CDH13: variants seen among roughly 807,000 people sequenced by gnomAD.
CDH13 encodes the protein cadherin-13.
CDH13 carries 24 observed loss-of-function variants against 63.8 expected under a neutral mutation model. That is an observed-to-expected ratio of 0.38 (90% CI 0.27 to 0.53). The LOEUF (loss-of-function observed/expected upper bound fraction) is 0.53. CDH13 is among the 20% of genes least tolerant of loss of function. CDH13 has a pLI of 0.85. For missense variants in CDH13, 1,049 were observed against 903.1 expected (o/e 1.16, Z -2.07); for synonymous variants, 503 against 355.3 (o/e 1.42, Z -4.67).
chr16:83,154,398 T>C (rs2037119614), intron 4 of CDH13, among the ~76,000 whole-genome samples: 2 of 151,516 alleles, frequency 1.3e-5, no homozygotes, highest in South Asian at 2.1e-4. Context: ...CTACTAAAAA[T>C]ACAAAAAAAT....
chr16:83,117,590 G>T (rs558998440), intron 3 of CDH13, among the ~76,000 whole-genome samples: 2 of 151,758 alleles, frequency 1.3e-5, no homozygotes, highest in South Asian at 4.2e-4. Context: ...CTTCTTTTAG[G>T]CACTGCACCA....
intron 5 of CDH13, among the ~76,000 whole-genome samples, chr16:83,313,234 G>T (rs923513160): frequency 6.6e-6 from 1 of 152,188 alleles, no homozygotes; most frequent in African/African-American, 2.4e-5. Flanking sequence ...TGAATTCTGA[G>T]TGACTGGCAG....
chr16:83,485,832 G>C (rs950238037), intron 6 of CDH13, among the ~76,000 whole-genome samples: 2 of 152,136 alleles, frequency 1.3e-5, no homozygotes, highest in East Asian at 1.9e-4. Flanking sequence ...GGCACATGGA[G>C]TTGGCATTGA....
intron 7 of CDH13, among the ~76,000 whole-genome samples, chr16:83,527,324 C>T (rs2074987317): frequency 6.6e-6 from 1 of 151,920 alleles, no homozygotes; most frequent in South Asian, 2.1e-4. Flanking sequence ...TGGCAGGTGC[C>T]TGTAGTCCCA....
At chr16:83,647,613 C>G (rs183539191) in intron 8 of CDH13, among the ~76,000 whole-genome samples, 305 of 152,282 alleles carry the variant, frequency 2.0e-3, no homozygotes, top group African/African-American at 7.1e-3. Context: ...TGTTTCCATT[C>G]AGAAATAGCT....
intron 5 of CDH13, among the ~76,000 whole-genome samples, chr16:83,328,552 G>C (rs924551791): frequency 3.3e-5 from 5 of 152,200 alleles, no homozygotes; most frequent in African/African-American, 1.2e-4. Flanking sequence ...AATAGAGTGG[G>C]AGGACAAGAG....
chr16:83,316,371 T>G (rs1178717520), intron 5 of CDH13, among the ~76,000 whole-genome samples: 4 of 152,168 alleles, frequency 2.6e-5, no homozygotes, highest in Non-Finnish European at 1.5e-5. Context: ...GGAATCTAGT[T>G]TGAACTATTT....
intron 1 of CDH13, among the ~76,000 whole-genome samples, chr16:82,645,927 G>C (rs11861857): frequency 0.53 from 80,775 of 152,120 alleles, 21,652 homozygotes; most frequent in African/African-American, 0.59. Flanking sequence ...TAGATAAAAA[G>C]TGGTTAATGT....
intron 11 of CDH13, among the ~76,000 whole-genome samples, chr16:83,779,299 C>T (rs1369128111): frequency 2.8e-5 from 4 of 145,304 alleles, no homozygotes; most frequent in African/African-American, 7.6e-5. Context: ...CCCAGCTACT[C>T]GGGAGGCTGA....
At chr16:83,634,161 G>GTGTGTGT (rs1911045032) in intron 8 of CDH13, among the ~76,000 whole-genome samples, 1 of 149,286 alleles carries the variant, frequency 6.7e-6, no homozygotes, top group Non-Finnish European at 1.5e-5. Flanking sequence ...GTGTGTGTGT[G>GTGTGTGT]GTCCTACGCA....
At chr16:83,058,079 C>G (rs990422956) in intron 3 of CDH13, among the ~76,000 whole-genome samples, 1 of 152,338 alleles carries the variant, frequency 6.6e-6, no homozygotes, top group Non-Finnish European at 1.5e-5. Context: ...GAAATCTTCA[C>G]TATATTCTTA....
chr16:82,871,627 G>C (rs1480500700), intron 2 of CDH13, among the ~76,000 whole-genome samples: 1 of 151,014 alleles, frequency 6.6e-6, no homozygotes, highest in Non-Finnish European at 1.5e-5. Context: ...CTTGTGAGTT[G>C]GGCTGTTTTG....
chr16:82,926,291 A>C, intron 2 of CDH13, among the ~76,000 whole-genome samples: 1 of 152,128 alleles, frequency 6.6e-6, no homozygotes, highest in Middle Eastern at 3.2e-3. Flanking sequence ...TTCCAAAAAA[A>C]AAAAAGAAAA....
chr16:83,027,086 A>C (rs1287876381), intron 2 of CDH13, among the ~76,000 whole-genome samples: 2 of 147,914 alleles, frequency 1.4e-5, no homozygotes, highest in Non-Finnish European at 1.5e-5. Context: ...CCTCTTGCTC[A>C]CAGCACAGAA....
intron 5 of CDH13, among the ~76,000 whole-genome samples, chr16:83,306,336 A>C (rs1164382846): frequency 6.6e-6 from 1 of 152,128 alleles, no homozygotes; most frequent in Non-Finnish European, 1.5e-5. Context: ...GGCTAGCAGG[A>C]GGTGTTTGGC....
chr16:83,395,995 T>C (rs534160391), intron 6 of CDH13, among the ~76,000 whole-genome samples: 1 of 152,310 alleles, frequency 6.6e-6, no homozygotes, highest in African/African-American at 2.4e-5. Context: ...CCTCTATATG[T>C]CCACGTGTTC....
intron 8 of CDH13, among the ~76,000 whole-genome samples, chr16:83,665,218 T>G (rs1018373663): frequency 6.6e-6 from 1 of 151,940 alleles, no homozygotes; most frequent in Non-Finnish European, 1.5e-5. Context: ...ATAAAATACA[T>G]ATATACATAA....
intron 6 of CDH13, among the ~76,000 whole-genome samples, chr16:83,460,430 C>T (rs1443468821): frequency 6.6e-6 from 1 of 152,168 alleles, no homozygotes; most frequent in Non-Finnish European, 1.5e-5. Context: ...CAAGAACACT[C>T]CTAGAAGCAT....
At chr16:83,009,246 C>T (rs143215692) in intron 2 of CDH13, among the ~76,000 whole-genome samples, 1 of 152,290 alleles carries the variant, frequency 6.6e-6, no homozygotes, top group East Asian at 1.9e-4. Context: ...TTGTCATCTT[C>T]TGAGAGGGGC....
Sources: allele counts gnomAD v4.1 joint callset (sites outside exome capture counted in the v4.1 genomes callset), GRCh38; gene constraint gnomAD v4.1.1; transcripts MANE v1.5; gene names NCBI Gene and HGNC (gene_info 2026-07-23, HGNC 2026-07-21).